FOXP2: variants seen among roughly 807,000 people sequenced by gnomAD.
FOXP2 encodes the protein forkhead box P2, also known as forkhead box protein P2.
A neutral mutation model predicts 115.8 loss-of-function variants in FOXP2; 12 were observed. The ratio of observed to expected loss-of-function variants is 0.10; its 90% CI spans 0.07 to 0.17. FOXP2 has a LOEUF of 0.17. Among genes scored for constraint, FOXP2 ranks in the 10% least tolerant of loss-of-function variants. The probability of loss-of-function intolerance (pLI) is 1.00; values close to 1 mark genes in which losing one functional copy is unlikely to be tolerated. For synonymous variants in FOXP2, 328 were observed against 297.7 expected (o/e 1.10, Z -1.05); for missense variants, 629 against 843.5 (o/e 0.75, Z 3.15).
At chr7:114,542,257 A>T (rs1228559919) in intron 3 of FOXP2, among the ~76,000 whole-genome samples, 1 of 152,158 alleles carries the variant, frequency 6.6e-6, no homozygotes, top group African/African-American at 2.4e-5. Context: ...AAGAACACAG[A>T]AACTTTAAAT....
chr7:114,159,946 T>C (rs1442143952), upstream of FOXP2, among the ~76,000 whole-genome samples: 3 of 152,050 alleles, frequency 2.0e-5, no homozygotes, highest in Non-Finnish European at 4.4e-5. Flanking sequence ...GGAGGAAAAG[T>C]GTATGATTTA....
At chr7:114,559,888 T>TAA (rs56799708) in intron 3 of FOXP2, among the ~76,000 whole-genome samples, 3 of 147,716 alleles carry the variant, frequency 2.0e-5, no homozygotes, top group Non-Finnish European at 3.0e-5. Flanking sequence ...GATTCCATCT[T>TAA]AAAAAAAAAA....
intron 3 of FOXP2, among the ~76,000 whole-genome samples, chr7:114,605,361 G>C (rs1030255331): frequency 4.6e-5 from 7 of 152,076 alleles, no homozygotes; most frequent in African/African-American, 7.2e-5. Context: ...ACATATTATA[G>C]TTGTTAACCC....
chr7:114,629,343 G>T lies in FOXP2; in HGVS notation c.397-462G>T, dbSNP rs201987172. Among the ~76,000 whole-genome samples, 5 of 152,140 alleles carry T rather than the reference G, an allele frequency of 3.3e-5. No individual in the cohort carries two copies. The East Asian group carries it at 9.7e-4, about 29-fold the overall frequency. The stretch of plus-strand genomic sequence containing the variant: ...GAAATTTTTTATATATAATTACTTT[G>T]CTAACTTCTGTGCTGATGACTACAG... On this transcript the variant is annotated intron_variant, in intron 4 of 16. Coordinates refer to ENST00000350908, the MANE Select transcript of FOXP2 (RefSeq NM_014491.4).
At position 114,334,902 on chromosome 7, in the gene FOXP2, GTA is replaced by G. The variant is rs547349920; in HGVS notation, c.-11+46803_-11+46804del. On this transcript the variant is annotated intron_variant, in intron 2 of 17. Transcript: ENST00000634411. Reference sequence around the variant, plus strand: ...AAAGGATATCTCTGTGTGTGTGTGTGTATATATATATTTTATATATATAGAAA... The same window carrying G: ...AAAGGATATCTCTGTGTGTGTGTGTGTATATATATTTTATATATATAGAAA... 8.9e-3 allele frequency among the ~76,000 whole-genome samples: 1,211 copies of G among 136,060 alleles called. 14 individuals are homozygous for G. The highest frequency in any genetic ancestry group is 0.013 in the Non-Finnish European group (859 of 63,984). 89.3% of individuals were successfully genotyped at this position (136,060 alleles called of 152,430 possible). A position where few individuals can be genotyped will look rare whatever the true frequency, so the allele number is the denominator to read the frequency against.
intron 3 of FOXP2, among the ~76,000 whole-genome samples, chr7:114,583,385 A>AT (rs967499023): frequency 6.6e-6 from 1 of 151,960 alleles, no homozygotes; most frequent in African/African-American, 2.4e-5. Context: ...CAAAAAAAAA[A>AT]GCAAAAAACA....
chr7:114,351,300 G>T (rs1236122626), intron 2 of FOXP2, among the ~76,000 whole-genome samples: 1 of 152,112 alleles, frequency 6.6e-6, no homozygotes, highest in African/African-American at 2.4e-5. Context: ...CATATAGAAT[G>T]CTACTGGTAA....
intron 3 of FOXP2, among the ~76,000 whole-genome samples, chr7:114,539,951 A>T (rs544552499): frequency 6.6e-6 from 1 of 152,192 alleles, no homozygotes; most frequent in Non-Finnish European, 1.5e-5. Flanking sequence ...TCCCTAAAAT[A>T]GGAATAAAGA....
intron 2 of FOXP2, among the ~76,000 whole-genome samples, chr7:114,387,609 A>T (rs1314783611): frequency 6.6e-6 from 1 of 152,196 alleles, no homozygotes; most frequent in Non-Finnish European, 1.5e-5. Context: ...AGATGTGAAT[A>T]TGCAAGAAAA....
At chr7:114,417,686 A>G (rs1793409355) in intron 1 of FOXP2, among the ~76,000 whole-genome samples, 1 of 151,910 alleles carries the variant, frequency 6.6e-6, no homozygotes, top group African/African-American at 2.4e-5. Context: ...CCTATTGATG[A>G]TCAGTGCTTT....
chr7:114,401,746 G>A (rs1177457424), intron 2 of FOXP2, among the ~76,000 whole-genome samples: 1 of 152,170 alleles, frequency 6.6e-6, no homozygotes, highest in African/African-American at 2.4e-5. Flanking sequence ...TGAAAGCAAA[G>A]TGAATCAAAT....
chr7:114,502,940 G>A (rs1024517464), intron 2 of FOXP2, among the ~76,000 whole-genome samples: 1 of 152,038 alleles, frequency 6.6e-6, no homozygotes, highest in Non-Finnish European at 1.5e-5. Flanking sequence ...CCAAATAGAT[G>A]CAAGGGAAAG....
chr7:114,292,690 A>T (rs76939722), intron 2 of FOXP2, among the ~76,000 whole-genome samples: 2,444 of 152,090 alleles, frequency 0.016, 30 homozygotes, highest in African/African-American at 0.03. Context: ...CTTTTTCTGC[A>T]TAGTATCTTA....
At chr7:114,228,975 A>G (rs558288533) in intron 1 of FOXP2, among the ~76,000 whole-genome samples, 54 of 151,738 alleles carry the variant, frequency 3.6e-4, no homozygotes, top group African/African-American at 1.2e-3. Flanking sequence ...GATAAAAACA[A>G]TAGCCAACTA....
intron 1 of FOXP2, among the ~76,000 whole-genome samples, chr7:114,282,874 T>C (rs187890140): frequency 1.3e-5 from 2 of 152,294 alleles, no homozygotes; most frequent in East Asian, 3.9e-4. Flanking sequence ...GTTTCTTTCA[T>C]GCTAATACAA....
At chr7:114,280,123 A>AAAAC (rs1562851361) in intron 1 of FOXP2, among the ~76,000 whole-genome samples, 1 of 146,390 alleles carries the variant, frequency 6.8e-6, no homozygotes, top group African/African-American at 2.5e-5. Flanking sequence ...TAAATAAATA[A>AAAAC]AAACAGGTGG....
At chr7:114,087,620 T>TGCGGCGGCG (rs953821424), upstream of FOXP2, 6 of 147,124 alleles carry the variant, frequency 4.1e-5, no homozygotes, top group East Asian at 2.0e-4. Context: ...GCGGCGCACG[T>TGCGGCGGCG]GCGGCGGCGG....
At chr7:114,262,878 C>T (rs1795793185) in intron 1 of FOXP2, among the ~76,000 whole-genome samples, 1 of 152,036 alleles carries the variant, frequency 6.6e-6, no homozygotes, top group African/African-American at 2.4e-5. Context: ...TCTTTAATTT[C>T]TACTTTTCTT....
At position 114,629,873 on chromosome 7, in the gene FOXP2, GCAA is replaced by G. The variant is rs1804790750; in HGVS notation, c.468_470del (p.Gln191del). ...ATCTTCAGCTTTTGCAGCAGCAGCA[GCAA>G]CAGCAGCAGCAGCAACAACAGCAGC... is the stretch of plus-strand genomic sequence containing the variant. On this transcript the variant is annotated inframe_deletion, in exon 5 of 17. Coordinates refer to ENST00000350908, the MANE Select transcript of FOXP2 (RefSeq NM_014491.4). 4 of 1,610,728 alleles carry G rather than the reference GCAA, an allele frequency of 2.5e-6. No homozygotes were observed. Among genetic ancestry groups the G allele is most frequent in the Non-Finnish European group, 3.4e-6 (4 of 1,179,284 alleles).
Sources: gnomAD v4.1 joint callset for allele counts (sites outside exome capture counted in the v4.1 genomes callset) on GRCh38, gnomAD v4.1.1 for gene constraint, MANE v1.5 for transcripts, NCBI Gene and HGNC (gene_info 2026-07-23, HGNC 2026-07-21) for gene names.